Variants in ROBO1 observed in about 807,000 individuals in gnomAD.
ROBO1 encodes the protein roundabout guidance receptor 1.
A neutral mutation model predicts 195.9 loss-of-function variants in ROBO1; 149 were observed. The ratio of observed to expected loss-of-function variants is 0.76; its 90% confidence interval spans 0.67 to 0.87. ROBO1 has a LOEUF of 0.87. Among genes scored for constraint, ROBO1 ranks in the 40% least tolerant of loss-of-function variants. The probability of loss-of-function intolerance (pLI) is 0.00; values close to 1 mark genes in which losing one functional copy is unlikely to be tolerated. For missense variants in ROBO1, 1,933 were observed against 2,068.3 expected (o/e 0.93, Z 1.27); for synonymous variants, 816 against 733.2 (o/e 1.11, Z -1.82).
intron 2 of ROBO1, among the ~76,000 whole-genome samples, chr3:79,581,075 A>C (rs1008701647): frequency 2.6e-5 from 4 of 152,196 alleles, no homozygotes; most frequent in African/African-American, 7.2e-5. Flanking sequence ...AATATAGAAA[A>C]AATAGTTGAA....
Position 78,784,049 on chromosome 3 carries a change from G to GA in ROBO1, c.500-37150dup, listed in dbSNP as rs536497382. Among the ~76,000 whole-genome samples the GA allele has an allele frequency of 3.8e-4, 57 of 151,318 alleles. No individual in the cohort carries two copies. The East Asian group carries it at 9.9e-3, about 26-fold the overall frequency. On this transcript the variant is annotated intron_variant, in intron 4 of 30. Transcript: ENST00000464233. ...GAAAGAGTACATAAGTAACTACGCA[G>GA]AAAAAAAAGACATTTTTAAATAATA...
chr3:78,845,962 G>A (rs2033641489), intron 4 of ROBO1, among the ~76,000 whole-genome samples: 1 of 152,066 alleles, frequency 6.6e-6, no homozygotes, highest in Non-Finnish European at 1.5e-5. Context: ...TTGTAAAGGT[G>A]GCCCTTGGAG....
intron 1 of ROBO1, among the ~76,000 whole-genome samples, chr3:79,630,133 AT>A (rs1945295387): frequency 6.6e-6 from 1 of 152,022 alleles, no homozygotes; most frequent in Admixed American, 6.6e-5. Context: ...TTTCTCTGTA[AT>A]TCATTCTATG....
chr3:79,644,504 A>G (rs1484535074), intron 1 of ROBO1, among the ~76,000 whole-genome samples: 1 of 152,166 alleles, frequency 6.6e-6, no homozygotes, highest in Non-Finnish European at 1.5e-5. Flanking sequence ...CATGGAGGCA[A>G]CAGGCAAAGA....
At chr3:79,409,688 G>GC (rs1471948363) in intron 2 of ROBO1, among the ~76,000 whole-genome samples, 1 of 152,054 alleles carries the variant, frequency 6.6e-6, no homozygotes, top group African/African-American at 2.4e-5. Flanking sequence ...TATTTGAATA[G>GC]GAAAAGGTTG....
At chr3:79,123,499 G>A (rs2080159665) in intron 3 of ROBO1, among the ~76,000 whole-genome samples, 1 of 151,922 alleles carries the variant, frequency 6.6e-6, no homozygotes, top group Admixed American at 6.6e-5. Context: ...TGCAATGGAA[G>A]TTATAATGAA....
chr3:79,023,883 T>G (rs1347546822), intron 3 of ROBO1, among the ~76,000 whole-genome samples: 5 of 150,880 alleles, frequency 3.3e-5, no homozygotes, highest in Admixed American at 6.6e-5. Context: ...TTTTTTTTTT[T>G]GTATTTTTAG....
intron 2 of ROBO1, among the ~76,000 whole-genome samples, chr3:79,223,558 A>G (rs551668314): frequency 3.5e-4 from 53 of 152,296 alleles, no homozygotes; most frequent in Non-Finnish European, 6.0e-4. Flanking sequence ...CTTGAAATGT[A>G]TACGAAAAAG....
At chr3:79,117,124 T>G (rs2108550032) in intron 3 of ROBO1, among the ~76,000 whole-genome samples, 1 of 151,998 alleles carries the variant, frequency 6.6e-6, no homozygotes, top group East Asian at 2.0e-4. Flanking sequence ...CCCAGCATTT[T>G]GGGGGGCCAA....
chr3:79,146,593 G>C (rs1363500783), intron 2 of ROBO1, among the ~76,000 whole-genome samples: 2 of 151,828 alleles, frequency 1.3e-5, no homozygotes, highest in East Asian at 1.9e-4. Context: ...GGACTTATGT[G>C]AAGTATGCAG....
At chr3:79,447,397 C>T (rs1032684153) in intron 2 of ROBO1, among the ~76,000 whole-genome samples, 3 of 151,460 alleles carry the variant, frequency 2.0e-5, no homozygotes, top group East Asian at 3.9e-4. Flanking sequence ...AACAAATGTC[C>T]GAAAATGGAA....
At chr3:78,839,489 T>G (rs565832848) in intron 4 of ROBO1, among the ~76,000 whole-genome samples, 2 of 151,808 alleles carry the variant, frequency 1.3e-5, no homozygotes, top group East Asian at 1.9e-4. Context: ...GATGCTCCAT[T>G]GATAACATTA....
chr3:78,662,572 C>T (rs111657909), intron 14 of ROBO1, among the ~76,000 whole-genome samples: 1 of 152,006 alleles, frequency 6.6e-6, no homozygotes, highest in Non-Finnish European at 1.5e-5. Flanking sequence ...TTAGTGAAAA[C>T]CAAGAACAGA....
At chr3:79,479,770 G>A (rs1393904100) in intron 2 of ROBO1, among the ~76,000 whole-genome samples, 1 of 152,084 alleles carries the variant, frequency 6.6e-6, no homozygotes, top group African/African-American at 2.4e-5. Context: ...AATACGTTAT[G>A]TCAGTTACAT....
intron 4 of ROBO1, among the ~76,000 whole-genome samples, chr3:78,937,185 T>C (rs1386305536): frequency 6.6e-6 from 1 of 152,050 alleles, no homozygotes; most frequent in African/African-American, 2.4e-5. Flanking sequence ...ATTTACATTC[T>C]CTAGGGCTGA....
chr3:79,141,124 T>C (rs1242973941), intron 2 of ROBO1, among the ~76,000 whole-genome samples: 1 of 152,174 alleles, frequency 6.6e-6, no homozygotes, highest in African/African-American at 2.4e-5. Flanking sequence ...CTGTCTCCTG[T>C]AGAGAGATAG....
Position 78,938,819 on chromosome 3 carries a change from C to A in ROBO1, c.281G>T (p.Arg94Leu), listed in dbSNP as rs765000690. Residue 94 changes from arginine (R) to leucine (L), a missense_variant, in exon 4 of 31, where the codon CGC (arginine) becomes CTC (leucine). Transcript: ENST00000464233. ...PATLNCKAEG[R>L]PTPTIEWYKG... ...GTACCATTCAATAGTGGGTGTGGGGCGGCCTTCAGCTTTGCAGTTCAAAGT... is the reference window on the plus strand; with the variant it reads ...GTACCATTCAATAGTGGGTGTGGGGAGGCCTTCAGCTTTGCAGTTCAAAGT... 12 of 1,613,976 alleles carry A rather than the reference C, an allele frequency of 7.4e-6. No individual in the cohort carries two copies. Among genetic ancestry groups the A allele is most frequent in the Non-Finnish European group, 1.0e-5 (12 of 1,179,886 alleles).
At chr3:79,012,863 C>T (rs1309726612) in intron 3 of ROBO1, among the ~76,000 whole-genome samples, 2 of 151,970 alleles carry the variant, frequency 1.3e-5, no homozygotes, top group Non-Finnish European at 2.9e-5. Context: ...TTTTTTTCTT[C>T]CTCTTCTTCA....
chr3:78,883,757 C>G (rs2107282096), intron 4 of ROBO1, among the ~76,000 whole-genome samples: 1 of 152,166 alleles, frequency 6.6e-6, no homozygotes, highest in Admixed American at 6.5e-5. Flanking sequence ...TGGGTTTGCT[C>G]AAGAGTCCAA....
Sources: allele counts gnomAD v4.1 joint callset (sites outside exome capture counted in the v4.1 genomes callset), GRCh38; gene constraint gnomAD v4.1.1; transcripts MANE v1.5; gene names NCBI Gene and HGNC (gene_info 2026-07-23, HGNC 2026-07-21).